The following FMN1 variants were observed in gnomAD, a reference collection of about 807,000 sequenced individuals.
FMN1 encodes formin 1.
Under a neutral mutation model 132.4 loss-of-function variants are expected in FMN1, and 110 were observed. The observed-to-expected ratio is 0.83, with a 90% confidence interval of 0.71 to 0.97. The LOEUF is 0.97. FMN1 is among the 50% of genes least tolerant of loss of function. The pLI is 0.00. For missense variants in FMN1, 1,792 were observed against 1,705.3 expected (o/e 1.05, Z -0.90); for synonymous variants, 722 against 651.7 (o/e 1.11, Z -1.64).
At chr15:33,017,247 T>C (rs2035106662) in intron 6 of FMN1, among the ~76,000 whole-genome samples, 1 of 152,184 alleles carries the variant, frequency 6.6e-6, no homozygotes, top group Admixed American at 6.5e-5. Context: ...TAATAGTTGA[T>C]ACGGGTCATA....
chr15:33,035,848 C>T (rs1170669890), intron 6 of FMN1, among the ~76,000 whole-genome samples: 1 of 152,142 alleles, frequency 6.6e-6, no homozygotes, highest in African/African-American at 2.4e-5. Flanking sequence ...AGAGGTGATT[C>T]GATCAGACAG....
At chr15:33,015,496 A>G (rs1465364234) in intron 6 of FMN1, among the ~76,000 whole-genome samples, 3 of 152,170 alleles carry the variant, frequency 2.0e-5, no homozygotes, top group Non-Finnish European at 4.4e-5. Flanking sequence ...TCTTACACAT[A>G]TATCCAAGCC....
chr15:33,054,457 G>A (rs1226784084), intron 6 of FMN1, among the ~76,000 whole-genome samples: 2 of 151,990 alleles, frequency 1.3e-5, no homozygotes, highest in African/African-American at 2.4e-5. Context: ...TCAAGTAAAG[G>A]TGCCCTTCCG....
intron 3 of FMN1, among the ~76,000 whole-genome samples, chr15:33,161,632 AGG>A: frequency 6.6e-6 from 1 of 152,240 alleles, no homozygotes; most frequent in South Asian, 2.1e-4. Flanking sequence ...AAAAAAACAA[AGG>A]AAGGCTGGGC....
At chr15:32,845,615 C>CA (rs2058837648) in intron 17 of FMN1, among the ~76,000 whole-genome samples, 1 of 152,176 alleles carries the variant, frequency 6.6e-6, no homozygotes, top group Admixed American at 6.5e-5. Context: ...CCAAGACCCT[C>CA]AGACTCAGTT....
chr15:33,008,778 A>G (rs2034552858), intron 6 of FMN1, among the ~76,000 whole-genome samples: 1 of 152,190 alleles, frequency 6.6e-6, no homozygotes, highest in Non-Finnish European at 1.5e-5. Context: ...AGACAACTTT[A>G]TTTCCAGCAG....
intron 11 of FMN1, 65 bp from the exon 12 acceptor site, chr15:32,908,643 A>C: frequency 1.0e-6 from 1 of 981,504 alleles, no homozygotes; most frequent in Non-Finnish European, 1.5e-6. Context: ...GACTCTGGCT[A>C]TGGCAGTGGG....
At chr15:33,005,711 C>G (rs894424886) in intron 7 of FMN1, among the ~76,000 whole-genome samples, 1 of 152,208 alleles carries the variant, frequency 6.6e-6, no homozygotes, top group Non-Finnish European at 1.5e-5. Context: ...TTAACTGTTA[C>G]AACTTGGCTG....
chr15:33,089,701 T>C (rs2038836229), intron 4 of FMN1, among the ~76,000 whole-genome samples: 1 of 152,196 alleles, frequency 6.6e-6, no homozygotes, highest in Admixed American at 6.5e-5. Context: ...GTTAAGCAAT[T>C]TGCTCAAAAT....
At chr15:32,829,901 G>C (rs140195038) in intron 17 of FMN1, among the ~76,000 whole-genome samples, 2 of 152,254 alleles carry the variant, frequency 1.3e-5, no homozygotes, top group Non-Finnish European at 2.9e-5. Context: ...AGAAATGAGG[G>C]GGGACACATT....
At chr15:33,187,178 C>T (rs751603800) in intron 2 of FMN1, among the ~76,000 whole-genome samples, 16 of 152,240 alleles carry the variant, frequency 1.1e-4, no homozygotes, top group Admixed American at 4.6e-4. Flanking sequence ...TTTATTTCTC[C>T]TTGTATTTTC....
At chr15:32,802,799 T>C (rs1359060443) in intron 18 of FMN1, among the ~76,000 whole-genome samples, 1 of 152,242 alleles carries the variant, frequency 6.6e-6, no homozygotes, top group Admixed American at 6.5e-5. Flanking sequence ...TGGATGTTTC[T>C]ATAACACAGA....
intron 3 of FMN1, among the ~76,000 whole-genome samples, chr15:33,171,419 T>C (rs544573580): frequency 6.6e-6 from 1 of 152,328 alleles, no homozygotes; most frequent in East Asian, 1.9e-4. Context: ...GTCATAAATA[T>C]CCTGACTTAA....
chr15:33,096,021 C>G lies in FMN1; in HGVS notation c.1868-7047G>C, dbSNP rs573913761. ...ATACCAAAAAAAAAAAAAGAAGGCA[C>G]ATTTACTATTAAATGTGATTGAGCA... On this transcript the variant is annotated intron_variant, in intron 4 of 20. Transcript: ENST00000616417. Among the ~76,000 whole-genome samples the G allele has an allele frequency of 1.6e-4, 24 of 149,932 alleles. No individual in the cohort carries two copies. In the East Asian group the frequency reaches 4.3e-3, roughly 27 times the overall value.
chr15:32,961,818 T>C (rs1358406876), intron 9 of FMN1, among the ~76,000 whole-genome samples: 1 of 152,160 alleles, frequency 6.6e-6, no homozygotes, highest in Admixed American at 6.5e-5. Flanking sequence ...GCCTCAGATC[T>C]CACAGTCAAT....
At chr15:33,190,625 T>G (rs1966041848) in intron 2 of FMN1, among the ~76,000 whole-genome samples, 1 of 152,220 alleles carries the variant, frequency 6.6e-6, no homozygotes, top group South Asian at 2.1e-4. Flanking sequence ...CACTGCTGTC[T>G]GACGCATTTC....
chr15:33,050,776 T>C (rs1019358313), intron 6 of FMN1, among the ~76,000 whole-genome samples: 3 of 152,218 alleles, frequency 2.0e-5, no homozygotes, highest in Admixed American at 6.5e-5. Flanking sequence ...AATGACAGCA[T>C]TATTTGCAAA....
intron 6 of FMN1, among the ~76,000 whole-genome samples, chr15:33,060,532 T>C (rs1156296943): frequency 6.6e-6 from 1 of 152,246 alleles, no homozygotes; most frequent in East Asian, 1.9e-4. Context: ...GTTTCTAAAT[T>C]GCTCCTAGGT....
At chr15:32,787,009 G>A (rs1286624242) in intron 19 of FMN1, among the ~76,000 whole-genome samples, 23 of 152,156 alleles carry the variant, frequency 1.5e-4, no homozygotes, top group Non-Finnish European at 1.0e-4. Context: ...ACCTGACCAG[G>A]GCTGTGAGGA....
Sources: gnomAD v4.1 joint callset for allele counts (sites outside exome capture counted in the v4.1 genomes callset) on GRCh38, gnomAD v4.1.1 for gene constraint, MANE v1.5 for transcripts, NCBI Gene and HGNC (gene_info 2026-07-23, HGNC 2026-07-21) for gene names.